The following WWOX variants were observed in gnomAD, a reference collection of about 807,000 sequenced individuals.
WWOX encodes the protein WW domain containing oxidoreductase.
A neutral mutation model predicts 46.2 loss-of-function variants in WWOX; 69 were observed. The observed-to-expected ratio is 1.49, with a 90% CI of 1.23 to 1.82. WWOX has a LOEUF of 1.82. Among genes scored for constraint, WWOX ranks in the 40% most tolerant of loss-of-function variants. The probability of loss-of-function intolerance (pLI) is 0.00; values close to 1 mark genes in which losing one functional copy is unlikely to be tolerated. For synonymous variants in WWOX, 359 were observed against 202.6 expected (o/e 1.77, Z -6.56); for missense variants, 919 against 542.6 (o/e 1.69, Z -6.89).
At chr16:78,983,161 T>G (rs917041281) in intron 8 of WWOX, among the ~76,000 whole-genome samples, 10 of 152,198 alleles carry the variant, frequency 6.6e-5, no homozygotes, top group African/African-American at 2.4e-4. Flanking sequence ...AACTCCATCG[T>G]TAGGAATTCC....
At chr16:78,731,839 C>CTTTTTTT (rs1358966064) in intron 8 of WWOX, among the ~76,000 whole-genome samples, 1 of 111,498 alleles carries the variant, frequency 9.0e-6, no homozygotes, top group Non-Finnish European at 1.7e-5. Flanking sequence ...AATTTTTTTT[C>CTTTTTTT]TTTCTCTTTT....
intron 8 of WWOX, among the ~76,000 whole-genome samples, chr16:79,116,025 C>G (rs941192120): frequency 6.6e-6 from 1 of 152,130 alleles, no homozygotes. Context: ...GTTGCTTACA[C>G]GATATAATAG....
At chr16:78,143,752 G>GTTT (rs200125720) in intron 4 of WWOX, among the ~76,000 whole-genome samples, 23,079 of 119,916 alleles carry the variant, frequency 0.19, 2,563 homozygotes, top group South Asian at 0.25. Context: ...GAATTGGTAT[G>GTTT]TTTTTTTTTT....
At chr16:78,616,951 T>G (rs1436661840) in intron 8 of WWOX, among the ~76,000 whole-genome samples, 2 of 152,210 alleles carry the variant, frequency 1.3e-5, no homozygotes, top group Non-Finnish European at 2.9e-5. Context: ...ATGTTCCTTT[T>G]GCTTTAACAA....
At chr16:79,059,357 C>T (rs558127511) in intron 8 of WWOX, among the ~76,000 whole-genome samples, 1 of 152,218 alleles carries the variant, frequency 6.6e-6, no homozygotes, top group African/African-American at 2.4e-5. Context: ...TACCTGTTCT[C>T]AAACACTTTA....
intron 8 of WWOX, among the ~76,000 whole-genome samples, chr16:79,126,483 G>A (rs1395752079): frequency 2.0e-5 from 3 of 152,186 alleles, no homozygotes; most frequent in East Asian, 1.9e-4. Flanking sequence ...TAAGTGTTTG[G>A]TAGTTCGTTC....
chr16:79,162,257 G>A (rs966538975), intron 8 of WWOX, among the ~76,000 whole-genome samples: 3 of 152,180 alleles, frequency 2.0e-5, no homozygotes, highest in African/African-American at 7.2e-5. Flanking sequence ...AAGTCATCAC[G>A]GAAGTCTGCC....
intron 8 of WWOX, among the ~76,000 whole-genome samples, chr16:79,011,465 T>G (rs1467003150): frequency 7.4e-6 from 1 of 135,576 alleles, no homozygotes; most frequent in Admixed American, 7.2e-5. Flanking sequence ...TTTATTTTAT[T>G]TATTTATTTA....
intron 8 of WWOX, among the ~76,000 whole-genome samples, chr16:79,096,779 A>T (rs985115553): frequency 2.0e-5 from 3 of 152,130 alleles, no homozygotes; most frequent in Admixed American, 6.5e-5. Context: ...ATCACTAGGA[A>T]CCTCATAGGT....
At chr16:78,398,732 C>T (rs949121729) in intron 6 of WWOX, among the ~76,000 whole-genome samples, 7 of 152,168 alleles carry the variant, frequency 4.6e-5, no homozygotes, top group Non-Finnish European at 8.8e-5. Flanking sequence ...TGGCAAATTC[C>T]TTAATCTTTC....
intron 8 of WWOX, among the ~76,000 whole-genome samples, chr16:78,461,545 C>T (rs1192083988): frequency 6.6e-6 from 1 of 152,168 alleles, no homozygotes; most frequent in Non-Finnish European, 1.5e-5. Flanking sequence ...TCGCAAGGAT[C>T]CCCATGTGTG....
At chr16:78,550,248 C>T (rs191588428) in intron 8 of WWOX, among the ~76,000 whole-genome samples, 6 of 152,342 alleles carry the variant, frequency 3.9e-5, no homozygotes, top group South Asian at 2.1e-4. Context: ...ATTTGAGAGA[C>T]ACTGAAATGA....
chr16:79,041,788 C>T (rs556931584), intron 8 of WWOX, among the ~76,000 whole-genome samples: 18 of 152,266 alleles, frequency 1.2e-4, no homozygotes, highest in South Asian at 4.1e-4. Flanking sequence ...TCATTCCATA[C>T]GCTTTTGCTT....
intron 8 of WWOX, among the ~76,000 whole-genome samples, chr16:78,771,867 CA>C (rs199951924): frequency 2.1e-4 from 31 of 150,402 alleles, no homozygotes; most frequent in Middle Eastern, 3.4e-3. Context: ...AGCTCTCTCA[CA>C]AAAAAAAAGT....
intron 8 of WWOX, among the ~76,000 whole-genome samples, chr16:78,878,153 C>G (rs1261428693): frequency 2.0e-5 from 3 of 152,182 alleles, no homozygotes; most frequent in South Asian, 4.1e-4. Flanking sequence ...GCAGCCATGC[C>G]TGCTTCCGAG....
intron 1 of WWOX, among the ~76,000 whole-genome samples, chr16:78,101,615 C>G (rs2031797024): frequency 6.6e-6 from 1 of 152,140 alleles, no homozygotes; most frequent in South Asian, 2.1e-4. Context: ...GCCACTGCGT[C>G]AGCCCAGAAT....
chr16:78,975,938 T>A (rs2046563754), intron 8 of WWOX, among the ~76,000 whole-genome samples: 1 of 152,150 alleles, frequency 6.6e-6, no homozygotes, highest in African/African-American at 2.4e-5. Context: ...CCTGCCACCC[T>A]CCATCCCCTG....
At chr16:78,113,681 A>T (rs1458013491) in intron 3 of WWOX, among the ~76,000 whole-genome samples, 1 of 152,198 alleles carries the variant, frequency 6.6e-6, no homozygotes, top group Non-Finnish European at 1.5e-5. Context: ...CTTTGGCCAT[A>T]GCTGATTTCA....
At chr16:79,123,230 C>T (rs2049676582) in intron 8 of WWOX, among the ~76,000 whole-genome samples, 1 of 152,056 alleles carries the variant, frequency 6.6e-6, no homozygotes, top group Non-Finnish European at 1.5e-5. Flanking sequence ...AGCATGATGG[C>T]AATTGCCTGA....
Sources: allele counts gnomAD v4.1 joint callset (sites outside exome capture counted in the v4.1 genomes callset), GRCh38; gene constraint gnomAD v4.1.1; transcripts MANE v1.5; gene names NCBI Gene and HGNC (gene_info 2026-07-23, HGNC 2026-07-21).